CACNG5: variants seen among roughly 807,000 people sequenced by gnomAD.
The protein encoded by CACNG5 is calcium voltage-gated channel auxiliary subunit gamma 5.
CACNG5 carries 18 observed loss-of-function variants against 24.8 expected under a neutral mutation model. That is an observed-to-expected ratio of 0.73 (90% CI 0.50 to 1.08). The LOEUF (loss-of-function observed/expected upper bound fraction) is 1.08, where lower values mean the gene tolerates loss of function less well. CACNG5 is among the 50% of genes least tolerant of loss of function. The pLI is 0.00. For synonymous variants in CACNG5, 157 were observed against 149.1 expected (o/e 1.05, Z -0.39); for missense variants, 349 against 367.9 (o/e 0.95, Z 0.42).
intron 1 of CACNG5, among the ~76,000 whole-genome samples, chr17:66,860,633 GAA>G (rs4021789): frequency 4.7e-5 from 7 of 147,898 alleles, no homozygotes; most frequent in South Asian, 2.1e-4. Flanking sequence ...CCACTTGACA[GAA>G]AAAAAAAAAA....
chr17:66,840,970 G>T (rs1178198932), intron 1 of CACNG5, among the ~76,000 whole-genome samples: 5 of 152,316 alleles, frequency 3.3e-5, no homozygotes, highest in East Asian at 1.9e-4. Context: ...ATATGACTTT[G>T]CTGGGCAGGC....
intron 1 of CACNG5, among the ~76,000 whole-genome samples, chr17:66,859,603 C>A (rs1252217383): frequency 6.6e-6 from 1 of 152,158 alleles, no homozygotes; most frequent in Non-Finnish European, 1.5e-5. Flanking sequence ...CCGAGGCTGG[C>A]TCCAAGTACA....
rs543179483 is a variant in CACNG5 at position 66,843,546 on chromosome 17, T to C, written c.-104+8296T>C. ...CCAGGAGGTAGATGTGGTGCAGTCT[T>C]GGGCAAACTTCTGCTCACATAGGGT... is the stretch of plus-strand genomic sequence containing the variant. On this transcript the variant is annotated intron_variant, in intron 1 of 5. Transcript: ENST00000533854. Among the ~76,000 whole-genome samples the C allele has an allele frequency of 1.2e-3, 186 of 152,298 alleles. 1 individual carries two copies. The highest frequency in any genetic ancestry group is 4.1e-3 in the African/African-American group (171 of 41,572).
chr17:66,883,112 A>G (rs1006778721), intron 4 of CACNG5, among the ~76,000 whole-genome samples: 1 of 152,084 alleles, frequency 6.6e-6, no homozygotes, highest in African/African-American at 2.4e-5. Context: ...CATCAACCCA[A>G]CACATATTTA....
intron 1 of CACNG5, among the ~76,000 whole-genome samples, chr17:66,839,626 G>T (rs942987713): frequency 1.4e-5 from 2 of 148,006 alleles, no homozygotes; most frequent in African/African-American, 5.0e-5. Context: ...GTCTGGGAAA[G>T]AGCTTCCAAG....
In CACNG5 at chr17:66,894,384, C is replaced by G. The variant is rs1261020335; in HGVS notation, c.*9144C>G. ...ACTCATAATAATTTACCCTGTGATC[C>G]TATTAATAATAAATTAGTACTAATA... On this transcript the variant is annotated 3_prime_UTR_variant, in exon 6 of 6. Transcript: ENST00000533854. Among the ~76,000 whole-genome samples, 1 of 152,098 alleles carries G rather than the reference C, an allele frequency of 6.6e-6. No individual in the cohort carries two copies. Among genetic ancestry groups the G allele is most frequent in the East Asian group, 1.9e-4 (1 of 5,196 alleles).
intron 1 of CACNG5, among the ~76,000 whole-genome samples, chr17:66,861,864 G>C (rs746383723): frequency 6.6e-6 from 1 of 152,204 alleles, no homozygotes; most frequent in Non-Finnish European, 1.5e-5. Context: ...TGCCACCCCC[G>C]TTGCCACTAT....
At chr17:66,874,265 T>C (rs2143104787) in intron 1 of CACNG5, among the ~76,000 whole-genome samples, 1 of 152,342 alleles carries the variant, frequency 6.6e-6, no homozygotes, top group South Asian at 2.1e-4. Flanking sequence ...CAATGTACTT[T>C]GGTGTTTATT....
chr17:66,885,483 A>C lies in CACNG5; in HGVS notation c.*243A>C, dbSNP rs1321830380. On this transcript the variant is annotated 3_prime_UTR_variant, in exon 6 of 6. Transcript: ENST00000533854. ...TGGGAACATGGGAGAAGCCCCGCCCATGTGAGTGCCAATCACAGCAGTGGC... is the reference window on the plus strand; with the variant it reads ...TGGGAACATGGGAGAAGCCCCGCCCCTGTGAGTGCCAATCACAGCAGTGGC... The C allele has an allele frequency of 9.9e-6, 5 of 503,924 alleles. No individual in the cohort carries two copies. The Admixed American group carries it at 1.8e-4, about 18-fold the overall frequency. The allele number at this position is 503,924 out of a possible 1,614,324, so 31.2% of individuals were successfully genotyped here.
rs1598068321 is a variant in CACNG5, at chr17:66,889,716, T to C, written c.*4476T>C. On this transcript the variant is annotated 3_prime_UTR_variant, in exon 6 of 6. Coordinates refer to ENST00000533854, the MANE Select transcript of CACNG5 (RefSeq NM_145811.3). ...GCTGCTCAGGGGAGGTCAGCCTTTG[T>C]TCTATTCAGGCTTTCAGTGCAGTGG... is the stretch of plus-strand genomic sequence containing the variant. Among the ~76,000 whole-genome samples, 3 of 152,140 alleles carry C rather than the reference T, an allele frequency of 2.0e-5. No homozygotes were observed. Among genetic ancestry groups the C allele is most frequent in the African/African-American group, 7.2e-5 (3 of 41,424 alleles).
At chr17:66,842,175 C>G (rs1431597765) in intron 1 of CACNG5, among the ~76,000 whole-genome samples, 1 of 152,080 alleles carries the variant, frequency 6.6e-6, no homozygotes, top group African/African-American at 2.4e-5. Flanking sequence ...TAAAAGTGAT[C>G]CCACGGTGGG....
chr17:66,883,061 C>G (rs1977187230), intron 4 of CACNG5, among the ~76,000 whole-genome samples: 1 of 152,190 alleles, frequency 6.6e-6, no homozygotes, highest in Admixed American at 6.5e-5. Context: ...CATCATCCAT[C>G]CATTCTTCCA....
intron 1 of CACNG5, among the ~76,000 whole-genome samples, chr17:66,864,297 C>CTG (rs1321675271): frequency 6.6e-6 from 1 of 152,176 alleles, no homozygotes. Flanking sequence ...TTTACCAGAC[C>CTG]TGTCCTCTTT....
intron 1 of CACNG5, among the ~76,000 whole-genome samples, chr17:66,836,346 C>T (rs936738268): frequency 1.3e-5 from 2 of 152,216 alleles, no homozygotes; most frequent in African/African-American, 4.8e-5. Flanking sequence ...TGGGGCTTCC[C>T]CTCCCAGCCA....
intron 5 of CACNG5, 133 bp from the exon 6 acceptor site, chr17:66,884,850 G>A (rs953658242): frequency 1.2e-6 from 2 of 1,613,294 alleles, no homozygotes; most frequent in Non-Finnish European, 1.7e-6. Context: ...CGGCCAGGAT[G>A]TCCCCAGGAC....
chr17:66,868,535 G>A (rs1346420298), intron 1 of CACNG5, among the ~76,000 whole-genome samples: 1 of 152,154 alleles, frequency 6.6e-6, no homozygotes, highest in African/African-American at 2.4e-5. Context: ...GGGAAAACAG[G>A]CCACTCATCA....
chr17:66,891,316 A>G lies in CACNG5; in HGVS notation c.*6076A>G, dbSNP rs963856029. Among the ~76,000 whole-genome samples, 1 of 152,080 alleles carries G rather than the reference A, an allele frequency of 6.6e-6. No homozygotes were observed. The highest frequency in any genetic ancestry group is 1.5e-5 in the Non-Finnish European group (1 of 68,014). On this transcript the variant is annotated 3_prime_UTR_variant, in exon 6 of 6. Coordinates refer to ENST00000533854, the MANE Select transcript of CACNG5 (RefSeq NM_145811.3). ...TTAATATACAAGCAATTGCCCCAAA[A>G]TTTAGTAGCTTAAGACAGCAACAAT...
chr17:66,891,911 A>T lies in CACNG5; in HGVS notation c.*6671A>T, dbSNP rs76655689. Among the ~76,000 whole-genome samples, 847 of 152,328 alleles carry T rather than the reference A, an allele frequency of 5.6e-3. 53 individuals are homozygous for T. In the East Asian group the frequency reaches 0.12, roughly 21 times the overall value. On this transcript the variant is annotated 3_prime_UTR_variant, in exon 6 of 6. Coordinates refer to ENST00000533854, the MANE Select transcript of CACNG5 (RefSeq NM_145811.3). The stretch of plus-strand genomic sequence containing the variant: ...CTGTTTCTCTTAAAAGCTTCCAGGC[A>T]ATGTCAAGGCCATGATATGCTCTAG...
chr17:66,850,370 G>C (rs2143044654), intron 1 of CACNG5, among the ~76,000 whole-genome samples: 1 of 152,262 alleles, frequency 6.6e-6, no homozygotes, highest in East Asian at 1.9e-4. Flanking sequence ...ATGGGACACA[G>C]TTAAATAATG....
Sources: gnomAD v4.1 joint callset for allele counts (sites outside exome capture counted in the v4.1 genomes callset) on GRCh38, gnomAD v4.1.1 for gene constraint, MANE v1.5 for transcripts, NCBI Gene and HGNC (gene_info 2026-07-23, HGNC 2026-07-21) for gene names.